The following TRIM33 variants were observed in gnomAD, a reference collection of about 807,000 sequenced individuals.
TRIM33 encodes tripartite motif containing 33, also known as E3 ubiquitin-protein ligase TRIM33.
Under a neutral mutation model 125.4 loss-of-function variants are expected in TRIM33, and 20 were observed. The ratio of observed to expected loss-of-function variants is 0.16; its 90% CI spans 0.11 to 0.23. The LOEUF is 0.23. TRIM33 is among the 10% of genes least tolerant of loss of function. The pLI, the probability that TRIM33 is intolerant of heterozygous loss-of-function variation, is 1.00. For missense variants in TRIM33, 920 were observed against 1,411.4 expected, an observed-to-expected ratio of 0.65 and a Z score of 5.58; for synonymous variants, 564 against 513.9, an observed-to-expected ratio of 1.10 and a Z score of -1.32.
rs1385965639 is a variant in TRIM33 at position 114,393,998 on chromosome 1, C to A, written c.*3650G>T. On this transcript the variant is annotated 3_prime_UTR_variant, in exon 20 of 20. Coordinates refer to ENST00000358465, the MANE Select transcript of TRIM33 (RefSeq NM_015906.4). ...ATTGCTTTATCAAGGAGGAGATTAACTGTGAGGGAAAAAAAATTAAATATC... is the reference window on the plus strand; with the variant it reads ...ATTGCTTTATCAAGGAGGAGATTAAATGTGAGGGAAAAAAAATTAAATATC... 1 of 225,526 alleles carries A rather than the reference C, an allele frequency of 4.4e-6. No homozygotes were observed. Among genetic ancestry groups the A allele is most frequent in the East Asian group, 6.4e-5 (1 of 15,630 alleles). 14.0% of individuals were successfully genotyped at this position (225,526 alleles called of 1,614,324 possible).
At chr1:114,432,210 A>G (rs1647999735) in intron 5 of TRIM33, among the ~76,000 whole-genome samples, 1 of 152,198 alleles carries the variant, frequency 6.6e-6, no homozygotes, top group Admixed American at 6.5e-5. Context: ...CAGATTCTGG[A>G]ACACGTGTAC....
chr1:114,405,338 C>T, intron 15 of TRIM33, 72 bp downstream of exon 15: 1 of 1,224,944 alleles, frequency 8.2e-7, no homozygotes. Flanking sequence ...GGCCATCTGC[C>T]CTGAACATTC....
rs564094867 is a variant in TRIM33, at chr1:114,433,564, C to T, written c.1040+53G>A. 473 of 1,088,902 alleles carry T rather than the reference C, an allele frequency of 4.3e-4. 9 individuals are homozygous for T. The South Asian group carries it at 6.0e-3, about 14-fold the overall frequency. 67.5% of individuals were successfully genotyped at this position (1,088,902 alleles called of 1,614,324 possible). The stretch of plus-strand genomic sequence containing the variant: ...AGCAGAAAAACAGATTTAAACTGGA[C>T]CCACTTCTTTTTAGTAATTCTTAAA... On this transcript the variant is annotated intron_variant, in intron 5 of 19. Transcript: ENST00000358465.
At chr1:114,466,928 T>C (rs1279186774) in intron 1 of TRIM33, among the ~76,000 whole-genome samples, 1 of 152,206 alleles carries the variant, frequency 6.6e-6, no homozygotes, top group Non-Finnish European at 1.5e-5. Context: ...AGTTTATATG[T>C]ATAAGTGTAT....
chr1:114,504,458 C>G (rs772128795), intron 1 of TRIM33, among the ~76,000 whole-genome samples: 26 of 152,190 alleles, frequency 1.7e-4, no homozygotes, highest in Admixed American at 1.3e-4. Flanking sequence ...TTAATTCACG[C>G]AGAGGTGATG....
At chr1:114,403,303 A>C (rs775590950) in intron 15 of TRIM33, among the ~76,000 whole-genome samples, 3 of 152,178 alleles carry the variant, frequency 2.0e-5, no homozygotes, top group Non-Finnish European at 4.4e-5. Context: ...CCACAAGTAA[A>C]TCAGTTCTTT....
intron 1 of TRIM33, chr1:114,468,862 T>C (rs6670743): frequency 0.34 from 86,653 of 255,828 alleles, 15,988 homozygotes; most frequent in African/African-American, 0.46. Flanking sequence ...GTGTGCAACA[T>C]CACGAGGGAA....
At chr1:114,506,434 C>T (rs1653011116) in intron 1 of TRIM33, among the ~76,000 whole-genome samples, 12 of 150,922 alleles carry the variant, frequency 8.0e-5, no homozygotes. Flanking sequence ...AATACCAATT[C>T]ATTTCTTCAG....
At chr1:114,496,331 T>C (rs1652364938) in intron 1 of TRIM33, among the ~76,000 whole-genome samples, 1 of 152,242 alleles carries the variant, frequency 6.6e-6, no homozygotes, top group African/African-American at 2.4e-5. Context: ...GCCAGACTGG[T>C]CCAAAATTCA....
intron 1 of TRIM33, among the ~76,000 whole-genome samples, chr1:114,502,346 TAC>T (rs1230883025): frequency 6.6e-6 from 1 of 152,168 alleles, no homozygotes; most frequent in African/African-American, 2.4e-5. Context: ...GGACCTCTCT[TAC>T]AGTCTTAGTT....
chr1:114,472,387 GAA>G lies in TRIM33; in HGVS notation c.527-8001_527-8000del, dbSNP rs1650701768. ...GGAATTTTTAAGAATTATCAAAATA[GAA>G]AATACTTTATAACAGTGTATCTCAT... On this transcript the variant is annotated intron_variant, in intron 1 of 19. Transcript: ENST00000358465. 2.0e-5 allele frequency among the ~76,000 whole-genome samples: 3 copies of G among 152,148 alleles called. No homozygotes were observed. The East Asian group carries it at 5.8e-4, about 29-fold the overall frequency.
At chr1:114,487,879 G>T (rs545069532) in intron 1 of TRIM33, among the ~76,000 whole-genome samples, 42 of 139,650 alleles carry the variant, frequency 3.0e-4, no homozygotes, top group African/African-American at 1.1e-3. Context: ...AGTCCGGCCT[G>T]GGCGACAGAG....
chr1:114,401,994 C>T (rs1335838578), intron 16 of TRIM33, among the ~76,000 whole-genome samples: 1 of 152,154 alleles, frequency 6.6e-6, no homozygotes, highest in Non-Finnish European at 1.5e-5. Flanking sequence ...TCTTTTAATA[C>T]AAGTTTGTAT....
intron 7 of TRIM33, 125 bp from the exon 8 acceptor site, chr1:114,427,419 C>G (rs1044696222): frequency 2.8e-5 from 17 of 602,464 alleles, no homozygotes; most frequent in African/African-American, 2.8e-4. Context: ...TAGGCAGCAT[C>G]AACATTTAAA....
intron 1 of TRIM33, among the ~76,000 whole-genome samples, chr1:114,498,728 A>G (rs1452262849): frequency 2.0e-5 from 3 of 152,188 alleles, no homozygotes; most frequent in Non-Finnish European, 4.4e-5. Context: ...GAGCAAGAAA[A>G]CAAAGGGAAG....
chr1:114,413,673 ATTTATAGCACTAGGTG>A (rs1652746996), intron 11 of TRIM33, among the ~76,000 whole-genome samples: 1 of 147,086 alleles, frequency 6.8e-6, no homozygotes, highest in African/African-American at 2.5e-5. Context: ...GCAACACAGT[ATTTATAGCACTAGGTG>A]TGTACATGTG....
At chr1:114,410,920 C>A (rs1168381926) in intron 11 of TRIM33, among the ~76,000 whole-genome samples, 1 of 152,018 alleles carries the variant, frequency 6.6e-6, no homozygotes, top group Admixed American at 6.6e-5. Flanking sequence ...AAACATGCCA[C>A]CTATATTGCA....
chr1:114,436,517 G>A (rs1302022583), intron 4 of TRIM33, among the ~76,000 whole-genome samples: 2 of 151,858 alleles, frequency 1.3e-5, no homozygotes, highest in Admixed American at 1.3e-4. Context: ...CCAGGCTGGA[G>A]TGCAGTGGCG....
In TRIM33 at chr1:114,397,799, G is replaced by C. The variant is rs1259288577; in HGVS notation, c.3233C>G (p.Thr1078Arg). ...AVALYFEDKL[T>R]EIYSDRTFAP... Reference sequence around the variant, plus strand: ...GAAGGTCCTGTCTGAGTAGATCTCTGTGAGTTTATCTTCAAAGTACAATGC... The same window carrying C: ...GAAGGTCCTGTCTGAGTAGATCTCTCTGAGTTTATCTTCAAAGTACAATGC... The change falls in exon 20 of 20, where the codon ACA (threonine) becomes AGA (arginine). Residue 1078 changes from threonine (T) to arginine (R), a missense_variant. Physicochemically the swap from Thr to Arg is moderately conservative, Grantham distance 71. Around this residue, in one of 8 missense-constraint regions of TRIM33, gnomAD observed 122 missense variants for 236.8 expected, o/e 0.52. Coordinates refer to ENST00000358465, the MANE Select transcript of TRIM33 (RefSeq NM_015906.4). 5 of 1,613,660 alleles carry C rather than the reference G, an allele frequency of 3.1e-6. No homozygotes were observed. Among genetic ancestry groups the C allele is most frequent in the Non-Finnish European group, 4.2e-6 (5 of 1,179,936 alleles).
Sources: gnomAD v4.1 joint callset for allele counts (sites outside exome capture counted in the v4.1 genomes callset) on GRCh38, gnomAD v4.1.1 for gene constraint, gnomAD v4.1.1 regional missense constraint, MANE v1.5 for transcripts, NCBI Gene and HGNC (gene_info 2026-07-23, HGNC 2026-07-21) for gene names.